CDH18: variants seen among roughly 807,000 people sequenced by gnomAD.
CDH18 encodes cadherin-18.
In CDH18, 31 loss-of-function variants were observed where a neutral mutation model predicts 67.9. That is an observed-to-expected ratio of 0.46 (90% CI 0.34 to 0.62). CDH18 has a LOEUF of 0.62. Ranked by LOEUF, CDH18 falls within the 20% of genes least tolerant of loss-of-function variation. The pLI is 0.01. For missense variants in CDH18, 890 were observed against 975.5 expected (o/e 0.91, Z 1.17); for synonymous variants, 362 against 347.2 (o/e 1.04, Z -0.48).
chr5:20,087,080 A>G (rs751383591), intron 2 of CDH18, among the ~76,000 whole-genome samples: 14 of 152,196 alleles, frequency 9.2e-5, no homozygotes, highest in Non-Finnish European at 1.6e-4. Context: ...ATTAACATTA[A>G]TAGTTGTTTA....
At chr5:19,644,380 CA>C (rs78872775) in intron 5 of CDH18, among the ~76,000 whole-genome samples, 9,743 of 149,326 alleles carry the variant, frequency 0.065, 337 homozygotes, top group Non-Finnish European at 0.075. Context: ...TTCACCCCGC[CA>C]AAAAAAAATG....
At chr5:19,856,621 A>C (rs1389392404) in intron 2 of CDH18, among the ~76,000 whole-genome samples, 2 of 152,132 alleles carry the variant, frequency 1.3e-5, no homozygotes, top group Non-Finnish European at 2.9e-5. Context: ...ATCAAGTTAA[A>C]ATGAGGCTGC....
intron 7 of CDH18, among the ~76,000 whole-genome samples, chr5:19,576,036 G>A (rs1486600137): frequency 1.3e-5 from 2 of 151,996 alleles, no homozygotes; most frequent in East Asian, 3.9e-4. Flanking sequence ...GTACCCGTAG[G>A]GGCAGTGGCA....
intron 3 of CDH18, among the ~76,000 whole-genome samples, chr5:19,754,164 A>G (rs55998708): frequency 0.087 from 13,255 of 152,232 alleles, 1,334 homozygotes; most frequent in East Asian, 0.23. Context: ...ACATCTCAAC[A>G]TTAACATTGA....
At chr5:20,490,867 A>G (rs1338044038) in intron 1 of CDH18, among the ~76,000 whole-genome samples, 4 of 152,182 alleles carry the variant, frequency 2.6e-5, no homozygotes, top group Non-Finnish European at 5.9e-5. Flanking sequence ...TTGAAAACTC[A>G]AATTTTAGCT....
chr5:20,124,475 C>A (rs992835630), intron 2 of CDH18, among the ~76,000 whole-genome samples: 2 of 152,116 alleles, frequency 1.3e-5, no homozygotes, highest in Non-Finnish European at 2.9e-5. Context: ...CTGAGAAATA[C>A]AATTGCTGTG....
chr5:20,190,510 A>G lies in CDH18; in HGVS notation c.-518+64934T>C, dbSNP rs62353900. Among the ~76,000 whole-genome samples the G allele has an allele frequency of 7.4e-3, 1,119 of 152,148 alleles. 10 individuals are homozygous for G. Among genetic ancestry groups the G allele is most frequent in the South Asian group, 0.014 (66 of 4,820 alleles). The stretch of plus-strand genomic sequence containing the variant: ...CCCCCTCACTATATCAAGCACATCC[A>G]TTCAAGTATACCTGGATGGTATTTT... On this transcript the variant is annotated intron_variant, in intron 2 of 14. Transcript: ENST00000507958.
chr5:20,385,218 A>C (rs1308967371), intron 1 of CDH18, among the ~76,000 whole-genome samples: 3 of 152,188 alleles, frequency 2.0e-5, no homozygotes, highest in Non-Finnish European at 4.4e-5. Flanking sequence ...TCCATAAAAC[A>C]CCAAAGCAGG....
intron 1 of CDH18, among the ~76,000 whole-genome samples, chr5:20,417,448 G>T (rs1747408716): frequency 2.6e-5 from 4 of 152,090 alleles, no homozygotes. Context: ...ATATATTTAT[G>T]CTTTTAGCAC....
intron 2 of CDH18, among the ~76,000 whole-genome samples, chr5:20,212,769 T>C (rs1740454264): frequency 6.6e-6 from 1 of 152,148 alleles, no homozygotes; most frequent in African/African-American, 2.4e-5. Flanking sequence ...CTTTTGAGTC[T>C]TCCACAAGTC....
chr5:19,787,809 T>TTATATATATATATATATATATA lies in CDH18; in HGVS notation c.229-40574_229-40573insTATATATATATATATATATATA, dbSNP rs35850823. ...TCCAATGAATAGCAGTAATTTACAG[T>TTATATATATATATATATATATA]TATATATATATATATATATGTTTAC... is the stretch of plus-strand genomic sequence containing the variant. On this transcript the variant is annotated intron_variant, in intron 3 of 12. Transcript: ENST00000382275. 1.9e-3 allele frequency among the ~76,000 whole-genome samples: 269 copies of TTATATATATATATATATATATA among 144,242 alleles called. 1 individual carries two copies. The highest frequency in any genetic ancestry group is 3.7e-3 in the Middle Eastern group (1 of 270). 94.6% of individuals were successfully genotyped at this position (144,242 alleles called of 152,430 possible). A position where few individuals can be genotyped will look rare whatever the true frequency, so the allele number is the denominator to read the frequency against.
intron 3 of CDH18, among the ~76,000 whole-genome samples, chr5:19,812,266 G>A (rs1318715286): frequency 1.3e-5 from 2 of 152,098 alleles, no homozygotes; most frequent in African/African-American, 4.8e-5. Flanking sequence ...TATAGAAGCA[G>A]AGAGAAGCAA....
intron 1 of CDH18, among the ~76,000 whole-genome samples, chr5:20,400,989 G>A (rs1425676656): frequency 6.6e-6 from 1 of 152,074 alleles, no homozygotes; most frequent in Non-Finnish European, 1.5e-5. Context: ...TGACTTTTGA[G>A]TTATGTACTT....
intron 1 of CDH18, chr5:20,304,666 G>A (rs1206495462): frequency 6.2e-7 from 1 of 1,611,710 alleles, no homozygotes; most frequent in East Asian, 2.2e-5. Context: ...TCCTAGTGAT[G>A]ATGGGTCCGT....
chr5:20,165,264 T>C (rs1248190801), intron 2 of CDH18, among the ~76,000 whole-genome samples: 1 of 152,168 alleles, frequency 6.6e-6, no homozygotes, highest in East Asian at 1.9e-4. Context: ...TTATCTTTAT[T>C]GTATAGTATA....
At chr5:20,347,863 G>T (rs1740835872) in intron 1 of CDH18, among the ~76,000 whole-genome samples, 1 of 152,090 alleles carries the variant, frequency 6.6e-6, no homozygotes, top group South Asian at 2.1e-4. Context: ...CCTGGCTTCT[G>T]CCACATAACA....
At chr5:20,199,337 T>C (rs113494494) in intron 2 of CDH18, among the ~76,000 whole-genome samples, 1 of 152,324 alleles carries the variant, frequency 6.6e-6, no homozygotes, top group African/African-American at 2.4e-5. Flanking sequence ...AAGTAGGACA[T>C]GGAGTCAAAG....
intron 6 of CDH18, among the ~76,000 whole-genome samples, chr5:19,599,211 G>A (rs1247080282): frequency 1.3e-5 from 2 of 151,684 alleles, no homozygotes; most frequent in African/African-American, 2.4e-5. Flanking sequence ...TATAATAGAC[G>A]CAACATATTC....
intron 1 of CDH18, among the ~76,000 whole-genome samples, chr5:20,454,333 C>A (rs940115487): frequency 1.3e-5 from 2 of 150,994 alleles, no homozygotes; most frequent in Non-Finnish European, 1.5e-5. Flanking sequence ...ATTCACATAA[C>A]TTTCATTTTT....
Sources: gnomAD v4.1 joint callset for allele counts (sites outside exome capture counted in the v4.1 genomes callset) on GRCh38, gnomAD v4.1.1 for gene constraint, MANE v1.5 for transcripts, NCBI Gene and HGNC (gene_info 2026-07-23, HGNC 2026-07-21) for gene names.